PCDHGB7: variants seen among roughly 807,000 people sequenced by gnomAD.
The protein encoded by PCDHGB7 is protocadherin gamma subfamily B, 7.
A neutral mutation model predicts 61.4 loss-of-function variants in PCDHGB7; 37 were observed. The observed-to-expected ratio is 0.60, with a 90% CI of 0.46 to 0.79. PCDHGB7 has a LOEUF of 0.79. Ranked by LOEUF, PCDHGB7 falls within the 30% of genes least tolerant of loss-of-function variation. The pLI is 0.00. For missense variants in PCDHGB7, 1,166 were observed against 1,202.5 expected (o/e 0.97, Z 0.45); for synonymous variants, 464 against 503.5 (o/e 0.92, Z 1.05).
intron 1 of PCDHGB7, among the ~76,000 whole-genome samples, chr5:141,444,359 C>T (rs942218966): frequency 7.9e-5 from 12 of 151,582 alleles, no homozygotes; most frequent in East Asian, 7.7e-4. Context: ...TTAGTAGAGA[C>T]GGGGTTTCTC....
chr5:141,421,379 AGGACCTGGGGCT>A, intron 1 of PCDHGB7: 1 of 1,614,054 alleles, frequency 6.2e-7, no homozygotes, highest in South Asian at 1.1e-5. Context: ...AATATCTCCA[AGGACCTGGGGCT>A]GGAGCCCCGG....
At chr5:141,421,370 A>G (rs765775416) in intron 1 of PCDHGB7, 4 of 1,613,916 alleles carry the variant, frequency 2.5e-6, no homozygotes, top group African/African-American at 1.3e-5. Flanking sequence ...TTCGTGGGCA[A>G]TATCTCCAAG....
intron 1 of PCDHGB7, among the ~76,000 whole-genome samples, chr5:141,456,780 T>A (rs1392367637): frequency 1.3e-5 from 2 of 152,000 alleles, no homozygotes; most frequent in Non-Finnish European, 2.9e-5. Flanking sequence ...CTGGCCTACA[T>A]GGCAAAACCC....
chr5:141,431,554 C>A lies in PCDHGB7; in HGVS notation c.2415+11280C>A, dbSNP rs766242338. On this transcript the variant is annotated intron_variant, in intron 1 of 3. Coordinates refer to ENST00000398594, the MANE Select transcript of PCDHGB7 (RefSeq NM_018927.4). The surrounding 1 kb of genome is among the most constrained non-coding windows in gnomAD (Gnocchi z 4.8). ...TGGGCACGCAGCTGCTTGTAGTCAA[C>A]GCTACCGACCCTGACGAAGGAGTCA... 1.2e-6 allele frequency: 2 copies of A among 1,614,008 alleles called. No individual in the cohort carries two copies. Among genetic ancestry groups the A allele is most frequent in the African/African-American group, 1.3e-5 (1 of 74,942 alleles).
chr5:141,480,827 A>G (rs1455065731), intron 1 of PCDHGB7, among the ~76,000 whole-genome samples: 2 of 152,212 alleles, frequency 1.3e-5, no homozygotes, highest in Admixed American at 6.5e-5. Context: ...TGGGTGGATC[A>G]TAAGATCAGG....
rs1314264090 is a variant in PCDHGB7, at chr5:141,490,459, C to T, written c.2416-4348C>T. 7 of 1,614,100 alleles carry T rather than the reference C, an allele frequency of 4.3e-6. No homozygotes were observed. Among genetic ancestry groups the T allele is most frequent in the Non-Finnish European group, 5.9e-6 (7 of 1,180,040 alleles). ...GCCTTCTGAGAACCACTACTCGCTG[C>T]TAACCAGCCAGCCTTTGGACCGGGA... On this transcript the variant is annotated intron_variant, in intron 1 of 3. Coordinates refer to ENST00000398594, the MANE Select transcript of PCDHGB7 (RefSeq NM_018927.4). The surrounding 1 kb of genome is among the most constrained non-coding windows in gnomAD (Gnocchi z 5.4).
At position 141,491,291 on chromosome 5, in the gene PCDHGB7, C is replaced by G; in HGVS notation, c.2416-3516C>G. On this transcript the variant is annotated intron_variant, in intron 1 of 3. Coordinates refer to ENST00000398594, the MANE Select transcript of PCDHGB7 (RefSeq NM_018927.4). The surrounding 1 kb of genome is among the most constrained non-coding windows in gnomAD (Gnocchi z 6.9). ...AAATCCAGTGACTTCCTCATACACCCTCCTGAGCGTTCAGACCTTACCCTT... is the reference window on the plus strand; with the variant it reads ...AAATCCAGTGACTTCCTCATACACCGTCCTGAGCGTTCAGACCTTACCCTT... 2 of 1,614,152 alleles carry G rather than the reference C, an allele frequency of 1.2e-6. No homozygotes were observed. The highest frequency in any genetic ancestry group is 1.7e-6 in the Non-Finnish European group (2 of 1,179,974).
intron 1 of PCDHGB7, chr5:141,422,335 C>T (rs1196951059): frequency 6.5e-7 from 1 of 1,549,804 alleles, no homozygotes; most frequent in Non-Finnish European, 8.7e-7. Flanking sequence ...GATTGCTCTT[C>T]TAAATGTGCA....
At chr5:141,458,345 G>A (rs1161535708) in intron 1 of PCDHGB7, among the ~76,000 whole-genome samples, 2 of 152,112 alleles carry the variant, frequency 1.3e-5, no homozygotes, top group Non-Finnish European at 2.9e-5. Context: ...GGAGTGGAGA[G>A]TTTAATAAGC....
At position 141,438,611 on chromosome 5, in the gene PCDHGB7, TATATATATATATATATATATATATACAC is replaced by T. The variant is rs1434670383; in HGVS notation, c.2415+18339_2415+18366del. On this transcript the variant is annotated intron_variant, in intron 1 of 3. Transcript: ENST00000398594. ...ACATACATATATATATATATATATA[TATATATATATATATATATATATATACAC>T]ACACACACACACATATATGTATATA... Among the ~76,000 whole-genome samples the T allele has an allele frequency of 2.7e-3, 107 of 39,370 alleles. 2 individuals are homozygous for T. Among genetic ancestry groups the T allele is most frequent in the Admixed American group, 0.019 (57 of 3,044 alleles). The allele number at this position is 39,370 out of a possible 152,430, so 25.8% of individuals were successfully genotyped here.
In PCDHGB7 at chr5:141,477,018, C is replaced by T. The variant is rs2099403540; in HGVS notation, c.2416-17789C>T. The T allele has an allele frequency of 3.1e-6, 5 of 1,614,262 alleles. No homozygotes were observed. Among genetic ancestry groups the T allele is most frequent in the Non-Finnish European group, 4.2e-6 (5 of 1,180,048 alleles). ...CAACTATTCGCCTTAGACCTTGTAA[C>T]CGGGATGCTGACAATCAAGGGTCGG... On this transcript the variant is annotated intron_variant, in intron 1 of 3. Coordinates refer to ENST00000398594, the MANE Select transcript of PCDHGB7 (RefSeq NM_018927.4). The surrounding 1 kb of genome is among the most constrained non-coding windows in gnomAD (Gnocchi z 4.9).
Position 141,494,880 on chromosome 5 carries a change from C to T in PCDHGB7, c.2474+15C>T. On this transcript the variant is annotated intron_variant, in intron 2 of 3. Transcript: ENST00000398594. ...GGCACCAGCGGGTAGGTGACTGATT[C>T]TCCAGCCCACCCTCTTCTCTGCGGC... 3 of 1,614,158 alleles carry T rather than the reference C, an allele frequency of 1.9e-6. No homozygotes were observed. Among genetic ancestry groups the T allele is most frequent in the Non-Finnish European group, 1.7e-6 (2 of 1,180,012 alleles).
chr5:141,508,994 A>G (rs2099873731), intron 3 of PCDHGB7, among the ~76,000 whole-genome samples: 1 of 152,052 alleles, frequency 6.6e-6, no homozygotes, highest in South Asian at 2.1e-4. Flanking sequence ...CAGCTGGGGT[A>G]GGAGAGGAGG....
intron 1 of PCDHGB7, among the ~76,000 whole-genome samples, chr5:141,464,921 G>A (rs1562002597): frequency 6.6e-6 from 1 of 151,106 alleles, no homozygotes; most frequent in Non-Finnish European, 1.5e-5. Flanking sequence ...TTATTTTTTT[G>A]TAGAGATGTG....
Position 141,486,824 on chromosome 5 carries a change from G to A in PCDHGB7, c.2416-7983G>A, listed in dbSNP as rs749609525. On this transcript the variant is annotated intron_variant, in intron 1 of 3. Coordinates refer to ENST00000398594, the MANE Select transcript of PCDHGB7 (RefSeq NM_018927.4). The surrounding 1 kb of genome is among the most constrained non-coding windows in gnomAD (Gnocchi z 5.0). ...CCCACCCCTTAGCAGCACTGTAACA[G>A]TTCGTCTATTTGTGCTGGACCTCAA... is the stretch of plus-strand genomic sequence containing the variant. 1 of 1,614,218 alleles carries A rather than the reference G, an allele frequency of 6.2e-7. No homozygotes were observed. Among genetic ancestry groups the A allele is most frequent in the Non-Finnish European group, 8.5e-7 (1 of 1,180,028 alleles).
At chr5:141,494,926 G>C in intron 2 of PCDHGB7, 61 bp downstream of exon 2, 2 of 1,613,498 alleles carry the variant, frequency 1.2e-6, no homozygotes, top group Non-Finnish European at 1.7e-6. Context: ...GGATGACGTG[G>C]GAGGAGATGG....
intron 1 of PCDHGB7, among the ~76,000 whole-genome samples, chr5:141,470,528 G>A (rs1446688992): frequency 6.6e-6 from 1 of 152,140 alleles, no homozygotes; most frequent in East Asian, 1.9e-4. Context: ...ATTAAAATAT[G>A]TATCAGGTAA....
intron 3 of PCDHGB7, among the ~76,000 whole-genome samples, chr5:141,509,686 G>A (rs1350812680): frequency 6.6e-6 from 1 of 152,212 alleles, no homozygotes; most frequent in Non-Finnish European, 1.5e-5. Flanking sequence ...CTTCTGTACA[G>A]TGGGACGTTG....
chr5:141,487,695 C>T lies in PCDHGB7; in HGVS notation c.2416-7112C>T, dbSNP rs1345224043. The stretch of plus-strand genomic sequence containing the variant: ...TGGCTAGGCCATGTCCTAGAGAGTA[C>T]TGGCCTCTCAGTAAGTGCCCATAGT... On this transcript the variant is annotated intron_variant, in intron 1 of 3. Coordinates refer to ENST00000398594, the MANE Select transcript of PCDHGB7 (RefSeq NM_018927.4). The surrounding 1 kb of genome is among the most constrained non-coding windows in gnomAD (Gnocchi z 5.0). 2 of 1,601,306 alleles carry T rather than the reference C, an allele frequency of 1.2e-6. No individual in the cohort carries two copies. Among genetic ancestry groups the T allele is most frequent in the East Asian group, 2.2e-5 (1 of 44,606 alleles).
Sources: allele counts gnomAD v4.1 joint callset (sites outside exome capture counted in the v4.1 genomes callset), GRCh38; gene constraint gnomAD v4.1.1; non-coding constraint Gnocchi (gnomAD v3.1); transcripts MANE v1.5; gene names NCBI Gene and HGNC (gene_info 2026-07-23, HGNC 2026-07-21).